GNB4: variants seen among roughly 807,000 people sequenced by gnomAD.
The protein encoded by GNB4 is G protein subunit beta 4.
A neutral mutation model predicts 45.2 loss-of-function variants in GNB4; 28 were observed. The observed-to-expected ratio is 0.62, with a 90% CI of 0.46 to 0.85. The LOEUF is 0.85. Ranked by LOEUF, GNB4 falls within the 40% of genes least tolerant of loss-of-function variation. The probability of loss-of-function intolerance (pLI) is 0.00; values close to 1 mark genes in which losing one functional copy is unlikely to be tolerated. For synonymous variants in GNB4, 132 were observed against 143.7 expected (o/e 0.92, Z 0.58); for missense variants, 321 against 425.4 (o/e 0.75, Z 2.16).
chr3:179,490,736 C>A, the GNB4 span, among the ~76,000 whole-genome samples: 1 of 152,152 alleles, frequency 6.6e-6, no homozygotes, highest in Non-Finnish European at 1.5e-5. Context: ...AGCCCCCGGC[C>A]AATTGCATGG....
In GNB4 at chr3:179,424,396, A is replaced by C. The variant is rs369381860; in HGVS notation, c.57+1748T>G. ...CTTCTGTGATTATCCCAGGCAAAATACATCTCTCCTTTGTTCTGAAAGCTT... is the reference window on the plus strand; with the variant it reads ...CTTCTGTGATTATCCCAGGCAAAATCCATCTCTCCTTTGTTCTGAAAGCTT... On this transcript the variant is annotated intron_variant, in intron 2 of 9. Transcript: ENST00000232564. Among the ~76,000 whole-genome samples, 27 of 152,316 alleles carry C rather than the reference A, an allele frequency of 1.8e-4. 2 individuals are homozygous for C. Among genetic ancestry groups the C allele is most frequent in the East Asian group, 1.7e-3 (9 of 5,190 alleles).
intron 8 of GNB4, among the ~76,000 whole-genome samples, chr3:179,409,827 A>C (rs1443987320): frequency 1.7e-5 from 2 of 116,082 alleles, no homozygotes; most frequent in African/African-American, 6.9e-5. Flanking sequence ...AAACAAAAAA[A>C]CAAAACAAAA....
At chr3:179,459,457 C>A in the GNB4 span, among the ~76,000 whole-genome samples, 1 of 151,880 alleles carries the variant, frequency 6.6e-6, no homozygotes. Context: ...CCAAGGTGGG[C>A]GGATTATCTG....
chr3:179,494,682 G>A, the GNB4 span, among the ~76,000 whole-genome samples: 26 of 151,944 alleles, frequency 1.7e-4, no homozygotes, highest in African/African-American at 6.3e-4. Context: ...GGCCGAGGCG[G>A]GCAGATCACG....
At chr3:179,518,956 C>T in the GNB4 span, among the ~76,000 whole-genome samples, 2 of 152,234 alleles carry the variant, frequency 1.3e-5, no homozygotes, top group Non-Finnish European at 2.9e-5. Context: ...ATTAACCTCG[C>T]CTTCAAGGTG....
intron 2 of GNB4, 59 bp from the exon 3 acceptor site, chr3:179,420,986 T>C (rs983023676): frequency 1.1e-6 from 1 of 945,052 alleles, no homozygotes. Context: ...ACTAAAGTGA[T>C]ACTTTTATTG....
chr3:179,419,965 A>T (rs13072265), intron 3 of GNB4, among the ~76,000 whole-genome samples: 29,656 of 151,804 alleles, frequency 0.2, 3,341 homozygotes, highest in Admixed American at 0.25. Flanking sequence ...TTTTTTAAAA[A>T]TATTAGTCTT....
the GNB4 span, among the ~76,000 whole-genome samples, chr3:179,497,032 G>A: frequency 5.9e-5 from 9 of 151,992 alleles, 2 homozygotes; most frequent in South Asian, 2.1e-4. Context: ...GTGAAATTTG[G>A]GATTAATTTT....
chr3:179,432,566 T>C lies in GNB4; in HGVS notation c.-42-6324A>G, dbSNP rs372902462. Reference sequence around the variant, plus strand: ...AGGATGCCCCAGGTGAAGCCTAATATGGCAAGTCCTAGTAAATATGTTTTG... The same window carrying C: ...AGGATGCCCCAGGTGAAGCCTAATACGGCAAGTCCTAGTAAATATGTTTTG... On this transcript the variant is annotated intron_variant, in intron 1 of 9. Coordinates refer to ENST00000232564, the MANE Select transcript of GNB4 (RefSeq NM_021629.4). Among the ~76,000 whole-genome samples the C allele has an allele frequency of 5.9e-5, 9 of 152,328 alleles. No individual in the cohort carries two copies. In the East Asian group the frequency reaches 7.7e-4, roughly 13 times the overall value.
At chr3:179,467,166 A>C in the GNB4 span, among the ~76,000 whole-genome samples, 1 of 152,176 alleles carries the variant, frequency 6.6e-6, no homozygotes, top group Non-Finnish European at 1.5e-5. Flanking sequence ...GGTGTGTGCC[A>C]GCATGCCTGG....
intron 6 of GNB4, among the ~76,000 whole-genome samples, chr3:179,414,322 A>G (rs958534060): frequency 2.0e-5 from 3 of 152,352 alleles, no homozygotes; most frequent in African/African-American, 7.2e-5. Context: ...GTTTCAAAAT[A>G]TGGAAATGTC....
At chr3:179,476,192 C>T in the GNB4 span, among the ~76,000 whole-genome samples, 1 of 152,200 alleles carries the variant, frequency 6.6e-6, no homozygotes, top group Non-Finnish European at 1.5e-5. Flanking sequence ...ATAGAATAGA[C>T]GTTCCTTTTC....
chr3:179,474,877 A>C, the GNB4 span, among the ~76,000 whole-genome samples: 3 of 150,266 alleles, frequency 2.0e-5, no homozygotes, highest in African/African-American at 7.3e-5. Flanking sequence ...TTGCCCTCCC[A>C]AAGTGCTGGA....
intron 2 of GNB4, among the ~76,000 whole-genome samples, chr3:179,422,180 C>G (rs1406170431): frequency 6.6e-6 from 1 of 152,080 alleles, no homozygotes; most frequent in Non-Finnish European, 1.5e-5. Context: ...AATTATTGAA[C>G]TACGCTGAAA....
At chr3:179,443,645 C>T (rs1487861784) in intron 1 of GNB4, among the ~76,000 whole-genome samples, 2 of 152,172 alleles carry the variant, frequency 1.3e-5, no homozygotes, top group African/African-American at 4.8e-5. Flanking sequence ...TAATGCCTAC[C>T]TATAAGATAA....
At chr3:179,433,082 C>A (rs1442662765) in intron 1 of GNB4, among the ~76,000 whole-genome samples, 1 of 152,124 alleles carries the variant, frequency 6.6e-6, no homozygotes, top group African/African-American at 2.4e-5. Context: ...AAAATCATTT[C>A]TCACTGATCA....
At chr3:179,416,408 G>A (rs1714800171) in intron 5 of GNB4, 85 bp downstream of exon 5, 1 of 750,994 alleles carries the variant, frequency 1.3e-6, no homozygotes, top group East Asian at 2.9e-5. Context: ...AGCAATTTAA[G>A]TTTGAGGTAA....
At chr3:179,522,555 G>T in the GNB4 span, among the ~76,000 whole-genome samples, 5 of 152,044 alleles carry the variant, frequency 3.3e-5, no homozygotes, top group East Asian at 9.6e-4. Context: ...CTGAGTTAAG[G>T]CAATGAGTTC....
the GNB4 span, among the ~76,000 whole-genome samples, chr3:179,465,526 A>G: frequency 6.6e-6 from 1 of 151,986 alleles, no homozygotes; most frequent in African/African-American, 2.4e-5. Context: ...GGAGAATGAC[A>G]TGAACCCAGG....
Sources: allele counts gnomAD v4.1 joint callset (sites outside exome capture counted in the v4.1 genomes callset), GRCh38; gene constraint gnomAD v4.1.1; transcripts MANE v1.5; gene names NCBI Gene and HGNC (gene_info 2026-07-23, HGNC 2026-07-21).